Variants in MYLK3 observed in about 807,000 individuals in gnomAD.
The protein encoded by MYLK3 is MLC kinase.
MYLK3 carries 55 observed loss-of-function variants against 76.3 expected under a neutral mutation model. The ratio of observed to expected loss-of-function variants is 0.72; its 90% CI spans 0.58 to 0.90. MYLK3 has a LOEUF of 0.90. MYLK3 is among the 40% of genes least tolerant of loss of function. The pLI is 0.00. For synonymous variants in MYLK3, 416 were observed against 425.4 expected (o/e 0.98, Z 0.27); for missense variants, 973 against 1,053.6 (o/e 0.92, Z 1.06).
intron 8 of MYLK3, chr16:46,726,740 A>AAAG (rs1966843161): frequency 7.0e-6 from 1 of 143,640 alleles, no homozygotes; most frequent in Non-Finnish European, 1.5e-5. Flanking sequence ...AAAGAAAAGA[A>AAAG]AGAGAGAGAG....
chr16:46,746,890 G>A (rs1023854239), intron 1 of MYLK3, among the ~76,000 whole-genome samples: 11 of 152,270 alleles, frequency 7.2e-5, no homozygotes, highest in East Asian at 3.9e-4. Context: ...GGCCTGGTGC[G>A]GGGAGGGGAG....
At chr16:46,739,760 A>C (rs1429314060) in intron 2 of MYLK3, among the ~76,000 whole-genome samples, 1 of 152,224 alleles carries the variant, frequency 6.6e-6, no homozygotes, top group Non-Finnish European at 1.5e-5. Context: ...ACAGTAGGCT[A>C]TTAGTAGTTA....
In MYLK3 at chr16:46,732,290, C is replaced by A. The variant is rs1446013874; in HGVS notation, c.1380G>T (p.Gln460His). The A allele has an allele frequency of 1.9e-6, 3 of 1,609,188 alleles. No homozygotes were observed. Among genetic ancestry groups the A allele is most frequent in the Admixed American group, 3.3e-5 (2 of 60,004 alleles). ...TCACCGGAGCCCTGGCTGCACAGTCCTGCTCAGGCTCAGGGTTTCCCGCCC... is the reference window on the plus strand; with the variant it reads ...TCACCGGAGCCCTGGCTGCACAGTCATGCTCAGGCTCAGGGTTTCCCGCCC... ...SPGAGNPEPE[Q>H]DCAARAPVRA... The change falls in exon 4 of 13, where the codon CAG (glutamine) becomes CAT (histidine). Residue 460 changes from glutamine (Q) to histidine (H), a missense_variant. Gln to His is a conservative substitution (Grantham distance 24). Around this residue, in one of 2 missense-constraint regions of MYLK3, gnomAD observed 641 missense variants for 637.0 expected, o/e 1.01. Coordinates refer to ENST00000394809, the MANE Select transcript of MYLK3 (RefSeq NM_182493.3).
upstream of MYLK3, among the ~76,000 whole-genome samples, chr16:46,750,132 A>T (rs1274528655): frequency 6.6e-6 from 1 of 152,200 alleles, no homozygotes; most frequent in Non-Finnish European, 1.5e-5. Flanking sequence ...CGACCAGGGC[A>T]GGGGGCTCTC....
At chr16:46,729,720 G>GC in intron 5 of MYLK3, 33 bp from the exon 6 acceptor site, 1 of 1,593,090 alleles carries the variant, frequency 6.3e-7, no homozygotes, top group Non-Finnish European at 8.6e-7. Context: ...CAGGCTGAGA[G>GC]CCCAGAGGCT....
chr16:46,712,817 C>G, intron 9 of MYLK3, 41 bp from the exon 10 acceptor site: 1 of 1,508,036 alleles, frequency 6.6e-7, no homozygotes, highest in Non-Finnish European at 8.9e-7. Context: ...TGGGGTGAGG[C>G]CTGGGAGATG....
intron 1 of MYLK3, among the ~76,000 whole-genome samples, chr16:46,743,471 C>T (rs1966967355): frequency 6.6e-6 from 1 of 152,178 alleles, no homozygotes; most frequent in Non-Finnish European, 1.5e-5. Context: ...CTGCCCTGGC[C>T]TCAGAACACG....
intron 8 of MYLK3, among the ~76,000 whole-genome samples, chr16:46,724,076 T>C (rs1011158715): frequency 6.6e-6 from 1 of 152,262 alleles, no homozygotes; most frequent in Non-Finnish European, 1.5e-5. Context: ...AATCACTTCA[T>C]GTGCTTAGTG....
chr16:46,762,529 G>T (rs1967292744), intron 1 of MYLK3, among the ~76,000 whole-genome samples: 1 of 152,182 alleles, frequency 6.6e-6, no homozygotes, highest in Non-Finnish European at 1.5e-5. Context: ...GGAGGTCTGA[G>T]GTCAATTGCT....
chr16:46,742,283 G>A (rs1368288158), intron 1 of MYLK3, among the ~76,000 whole-genome samples: 7 of 152,012 alleles, frequency 4.6e-5, no homozygotes, highest in South Asian at 2.1e-4. Context: ...ATGGCGGGGC[G>A]TGGTAGCTCA....
At chr16:46,717,661 G>A (rs1966758113) in intron 9 of MYLK3, among the ~76,000 whole-genome samples, 1 of 152,084 alleles carries the variant, frequency 6.6e-6, no homozygotes, top group Non-Finnish European at 1.5e-5. Context: ...AGTCCTGAGT[G>A]CCTCTCCTTC....
intron 9 of MYLK3, among the ~76,000 whole-genome samples, chr16:46,713,691 CTTTCT>C (rs1002205801): frequency 2.0e-5 from 3 of 152,156 alleles, no homozygotes; most frequent in African/African-American, 7.2e-5. Context: ...TTTATTCCTC[CTTTCT>C]AAGTGAAATA....
chr16:46,703,288 G>C lies in MYLK3; in HGVS notation c.*4416C>G, dbSNP rs372968549. 3 of 152,204 alleles carry C rather than the reference G, an allele frequency of 2.0e-5. No individual in the cohort carries two copies. Among genetic ancestry groups the C allele is most frequent in the East Asian group, 1.9e-4 (1 of 5,198 alleles). 9.4% of individuals were successfully genotyped at this position (152,204 alleles called of 1,614,324 possible). On this transcript the variant is annotated 3_prime_UTR_variant, in exon 13 of 13. Coordinates refer to ENST00000394809, the MANE Select transcript of MYLK3 (RefSeq NM_182493.3). ...TTTTTACTGGGCCATTAGCAACAGT[G>C]CTATAGTAAACATCATTTTGAATAA...
intron 1 of MYLK3, among the ~76,000 whole-genome samples, chr16:46,757,780 T>C (rs559090193): frequency 6.6e-6 from 1 of 152,166 alleles, no homozygotes; most frequent in Non-Finnish European, 1.5e-5. Flanking sequence ...TAGCAAAGTG[T>C]CCAGCTGTGA....
intron 1 of MYLK3, among the ~76,000 whole-genome samples, chr16:46,746,900 G>T (rs1967035300): frequency 6.6e-6 from 1 of 152,112 alleles, no homozygotes; most frequent in Non-Finnish European, 1.5e-5. Context: ...GGGGAGGGGA[G>T]GCATGCTCCT....
intron 9 of MYLK3, among the ~76,000 whole-genome samples, chr16:46,719,203 TG>T (rs757426896): frequency 2.0e-4 from 31 of 152,092 alleles, no homozygotes; most frequent in South Asian, 1.0e-3. Flanking sequence ...GGCGGCCACC[TG>T]TAATCCCAGC....
intron 1 of MYLK3, among the ~76,000 whole-genome samples, chr16:46,758,008 G>A (rs961592526): frequency 6.6e-6 from 1 of 152,090 alleles, no homozygotes; most frequent in African/African-American, 2.4e-5. Flanking sequence ...TACCCTGGCC[G>A]GACCTGGTCA....
intron 1 of MYLK3, among the ~76,000 whole-genome samples, chr16:46,744,552 G>A (rs915887073): frequency 3.3e-5 from 5 of 151,592 alleles, no homozygotes; most frequent in African/African-American, 1.2e-4. Flanking sequence ...ATGTTGGCCA[G>A]GCTGGTCTCG....
intron 9 of MYLK3, among the ~76,000 whole-genome samples, chr16:46,718,395 G>C (rs186980183): frequency 6.6e-6 from 1 of 152,172 alleles, no homozygotes; most frequent in Non-Finnish European, 1.5e-5. Flanking sequence ...GGGATGATGT[G>C]AAATTCCTCC....
Sources: gnomAD v4.1 joint callset for allele counts (sites outside exome capture counted in the v4.1 genomes callset) on GRCh38, gnomAD v4.1.1 for gene constraint, gnomAD v4.1.1 regional missense constraint, MANE v1.5 for transcripts, NCBI Gene and HGNC (gene_info 2026-07-23, HGNC 2026-07-21) for gene names.